Variants in SRM observed in about 807,000 individuals in gnomAD.
The protein encoded by SRM is spermidine synthase.
A neutral mutation model predicts 39.3 loss-of-function variants in SRM; 14 were observed. The observed-to-expected ratio is 0.36, with a 90% CI of 0.24 to 0.56. The LOEUF (loss-of-function observed/expected upper bound fraction) is 0.56, where lower values mean the gene tolerates loss of function less well. Among genes scored for constraint, SRM ranks in the 20% least tolerant of loss-of-function variants. The pLI, the probability that SRM is intolerant of heterozygous loss-of-function variation, is 0.86. For missense variants in SRM, 244 were observed against 409.2 expected, an observed-to-expected ratio of 0.60 and a Z score of 3.48; for synonymous variants, 195 against 173.1, an observed-to-expected ratio of 1.13 and a Z score of -0.99.
At position 11,056,722 on chromosome 1, in the gene SRM, G is replaced by A; in HGVS notation, c.417C>T (p.Gly139=). Residue 139 remains glycine, a synonymous_variant, in exon 4 of 8, where the codon GGC becomes GGT. Coordinates refer to ENST00000376957, the MANE Select transcript of SRM (RefSeq NM_003132.3). ...VIQVSKKFLP[G]MAIGYSSSKL... ...TCGAGCTAGAGTAGCCAATGGCCAT[G>A]CCTGGCAGGAACTTCTTGGAGACTT... 6.2e-7 allele frequency: 1 copy of A among 1,614,200 alleles called. No homozygotes were observed.
At chr1:11,055,143 C>T (rs1443160070) in intron 6 of SRM, 59 bp from the exon 7 acceptor site, 114 of 1,452,902 alleles carry the variant, frequency 7.8e-5, no homozygotes, top group Non-Finnish European at 9.1e-5. Context: ...TTTTTTGAGA[C>T]GGAGTCTCAC....
In SRM at chr1:11,056,481, G is replaced by A. The variant is rs530264408; in HGVS notation, c.535+123C>T. On this transcript the variant is annotated intron_variant, in intron 4 of 7. Transcript: ENST00000376957. ...CAGAGGGCAGGTAACAAATGAGAAG[G>A]GAAAAGTACAGCTCTAGTTCGGGGG... is the stretch of plus-strand genomic sequence containing the variant. The A allele has an allele frequency of 9.7e-6, 12 of 1,236,334 alleles. No individual in the cohort carries two copies. The Admixed American group carries it at 1.8e-4, about 18-fold the overall frequency. 76.6% of individuals were successfully genotyped at this position (1,236,334 alleles called of 1,614,324 possible).
At chr1:11,058,623 T>A in intron 3 of SRM, 177 bp downstream of exon 3, 1 of 445,026 alleles carries the variant, frequency 2.2e-6, no homozygotes. Flanking sequence ...GCAGGTGCCC[T>A]CACCACCTGC....
chr1:11,055,229 T>G, intron 6 of SRM, 145 bp from the exon 7 acceptor site: 2 of 1,253,088 alleles, frequency 1.6e-6, no homozygotes, highest in Non-Finnish European at 2.1e-6. Flanking sequence ...GTGATTCTCC[T>G]GCCTCAGCCT....
chr1:11,056,785 G>A (rs1638885945), intron 3 of SRM, 28 bp from the exon 4 acceptor site: 1 of 1,613,106 alleles, frequency 6.2e-7, no homozygotes, highest in Non-Finnish European at 8.5e-7. Flanking sequence ...GACCAGTCTG[G>A]GCCAAGGGGC....
In SRM at chr1:11,056,060, G is replaced by A. The variant is rs752269772; in HGVS notation, c.570C>T (p.Tyr190=). The A allele has an allele frequency of 1.9e-6, 3 of 1,613,264 alleles. No individual in the cohort carries two copies. Among genetic ancestry groups the A allele is most frequent in the Non-Finnish European group, 8.5e-7 (1 of 1,179,584 alleles). Residue 190 remains tyrosine (Y), a synonymous_variant, in exon 5 of 8, where the codon TAC becomes TAT. Transcript: ENST00000376957. ...CCTTGAGGGCTGTCTTCATGAGCTG[G>A]TAATAGGACTCCTTGAAGAGACTTT... is the stretch of plus-strand genomic sequence containing the variant. ...PAESLFKESY[Y]QLMKTALKED... is the part of the protein sequence containing the mutation.
intron 4 of SRM, 117 bp downstream of exon 4, chr1:11,056,487 G>T: frequency 7.8e-7 from 1 of 1,289,754 alleles, no homozygotes. Context: ...GAAGGGAAAA[G>T]TACAGCTCTA....
intron 6 of SRM, 59 bp downstream of exon 6, chr1:11,055,720 AGG>A: frequency 2.0e-6 from 3 of 1,512,312 alleles, no homozygotes; most frequent in Non-Finnish European, 2.7e-6. Context: ...CGGCAGGGGC[AGG>A]GATCTCTATT....
At chr1:11,055,647 C>G (rs1638861319) in intron 6 of SRM, 134 bp downstream of exon 6, 1 of 878,272 alleles carries the variant, frequency 1.1e-6, no homozygotes, top group African/African-American at 1.7e-5. Context: ...GATCTCCTGA[C>G]CTTGTGATCT....
chr1:11,059,611 C>T, intron 1 of SRM, 166 bp downstream of exon 1: 4 of 983,174 alleles, frequency 4.1e-6, no homozygotes, highest in Non-Finnish European at 5.8e-6. Flanking sequence ...GAGGCCAGCC[C>T]GCAGTCCCAG....
At chr1:11,056,963 C>T (rs939730134) in intron 3 of SRM, among the ~76,000 whole-genome samples, 9 of 152,028 alleles carry the variant, frequency 5.9e-5, no homozygotes, top group South Asian at 2.1e-4. Context: ...ACTACACCCT[C>T]GGCCTCCGGG....
rs758910538 is a variant in SRM, at chr1:11,055,999, C to T, written c.619+12G>A. On this transcript the variant is annotated intron_variant, in intron 5 of 7. Coordinates refer to ENST00000376957, the MANE Select transcript of SRM (RefSeq NM_003132.3). ...CCCCGCCCCGCCCCAGTGCTCCAGGCCTGTGGCTCACCCTGGCAGCAGAGG... is the reference window on the plus strand; with the variant it reads ...CCCCGCCCCGCCCCAGTGCTCCAGGTCTGTGGCTCACCCTGGCAGCAGAGG... 3.7e-6 allele frequency: 6 copies of T among 1,606,756 alleles called. No homozygotes were observed. The highest frequency in any genetic ancestry group is 5.1e-6 in the Non-Finnish European group (6 of 1,175,664).
intron 4 of SRM, among the ~76,000 whole-genome samples, chr1:11,056,323 T>C (rs1413493279): frequency 6.6e-6 from 1 of 152,118 alleles, no homozygotes; most frequent in Non-Finnish European, 1.5e-5. Context: ...TGCTGACCAC[T>C]TCAGAGCAGA....
intron 2 of SRM, 47 bp downstream of exon 2, chr1:11,059,178 C>A (rs1466703916): frequency 6.2e-7 from 1 of 1,611,846 alleles, no homozygotes; most frequent in Admixed American, 1.7e-5. Flanking sequence ...CGGAGCACAC[C>A]TGGGGCCGCC....
At chr1:11,055,181 C>T in intron 6 of SRM, 97 bp from the exon 7 acceptor site, 2 of 1,443,326 alleles carry the variant, frequency 1.4e-6, no homozygotes, top group Non-Finnish European at 1.8e-6. Flanking sequence ...GCAGTGGCGT[C>T]ATCTCAGCTC....
In SRM at chr1:11,054,765, G is replaced by A. The variant is rs371576741; in HGVS notation, c.*100C>T. On this transcript the variant is annotated 3_prime_UTR_variant, in exon 8 of 8. Coordinates refer to ENST00000376957, the MANE Select transcript of SRM (RefSeq NM_003132.3). The surrounding 1 kb of genome is among the most constrained non-coding windows in gnomAD (Gnocchi z 4.8). The stretch of plus-strand genomic sequence containing the variant: ...GGCTTGTAACACTTGGTTGGTGGGC[G>A]AGAGCCAGCAGGAGGTCCGGCCCGG... 1,065 of 1,475,562 alleles carry A rather than the reference G, an allele frequency of 7.2e-4. 9 individuals are homozygous for A. In the African/African-American group the frequency reaches 0.012, roughly 17 times the overall value. The allele number at this position is 1,475,562 out of a possible 1,614,324, so 91.4% of individuals were successfully genotyped here. A position where few individuals can be genotyped will look rare whatever the true frequency, so the allele number is the denominator to read the frequency against.
In SRM at chr1:11,056,600, T is replaced by G; in HGVS notation, c.535+4A>C. 1 of 1,613,970 alleles carries G rather than the reference T, an allele frequency of 6.2e-7. No individual in the cohort carries two copies. Among genetic ancestry groups the G allele is most frequent in the Non-Finnish European group, 8.5e-7 (1 of 1,179,944 alleles). The stretch of plus-strand genomic sequence containing the variant: ...GAAAACCCTGGGGCCCATCCACTGC[T>G]TACCCATGGGGTCTGAGGAGTCAGT... On this transcript the variant is annotated splice_donor_region_variant and intron_variant, in intron 4 of 7. Transcript: ENST00000376957.
At chr1:11,057,551 AG>A in intron 3 of SRM, among the ~76,000 whole-genome samples, 1 of 146,420 alleles carries the variant, frequency 6.8e-6, no homozygotes, top group South Asian at 2.2e-4. Context: ...GTGAGCCACC[AG>A]CGCTTGGCCT....
chr1:11,057,805 T>G (rs1570767832), intron 3 of SRM, among the ~76,000 whole-genome samples: 1 of 149,674 alleles, frequency 6.7e-6, no homozygotes, highest in Admixed American at 6.6e-5. Context: ...TTGAGACAGA[T>G]TCTTCCTCTG....
Sources: gnomAD v4.1 joint callset for allele counts (sites outside exome capture counted in the v4.1 genomes callset) on GRCh38, gnomAD v4.1.1 for gene constraint, Gnocchi (gnomAD v3.1) non-coding constraint, MANE v1.5 for transcripts, NCBI Gene and HGNC (gene_info 2026-07-23, HGNC 2026-07-21) for gene names.